The following BNC2 variants were observed in gnomAD, a reference collection of about 807,000 sequenced individuals.
The protein encoded by BNC2 is zinc finger protein basonuclin-2.
In BNC2, 20 loss-of-function variants were observed where a neutral mutation model predicts 76.3. The ratio of observed to expected loss-of-function variants is 0.26; its 90% CI spans 0.18 to 0.38. The LOEUF is 0.38. BNC2 is among the 10% of genes least tolerant of loss of function. The pLI is 1.00. For synonymous variants in BNC2, 582 were observed against 514.8 expected, an observed-to-expected ratio of 1.13 and a Z score of -1.77; for missense variants, 1,382 against 1,399.8, an observed-to-expected ratio of 0.99 and a Z score of 0.20.
chr9:16,769,676 A>C (rs1277045405), intron 1 of BNC2, among the ~76,000 whole-genome samples: 1 of 152,218 alleles, frequency 6.6e-6, no homozygotes, highest in African/African-American at 2.4e-5. Context: ...CATCTACAAA[A>C]TGAGGTAAGT....
At chr9:16,860,959 T>C (rs974605920) in intron 1 of BNC2, among the ~76,000 whole-genome samples, 1 of 151,124 alleles carries the variant, frequency 6.6e-6, no homozygotes, top group Non-Finnish European at 1.5e-5. Flanking sequence ...GGCAGGACAA[T>C]GGCTTAAACC....
At chr9:16,632,021 G>A (rs1821176449) in intron 3 of BNC2, among the ~76,000 whole-genome samples, 1 of 152,144 alleles carries the variant, frequency 6.6e-6, no homozygotes, top group Admixed American at 6.6e-5. Context: ...GAAATGACAA[G>A]AATGGCAGAC....
At chr9:16,567,678 G>C (rs895258913) in intron 4 of BNC2, among the ~76,000 whole-genome samples, 2 of 152,090 alleles carry the variant, frequency 1.3e-5, no homozygotes, top group African/African-American at 4.8e-5. Flanking sequence ...CTCAGTGATA[G>C]TTTATAGTTC....
At chr9:16,640,380 C>T (rs1821458066) in intron 3 of BNC2, among the ~76,000 whole-genome samples, 1 of 152,134 alleles carries the variant, frequency 6.6e-6, no homozygotes, top group Admixed American at 6.5e-5. Context: ...CATGAGAGTT[C>T]AGCTAATTTT....
chr9:16,580,686 A>G (rs958537495), intron 4 of BNC2, among the ~76,000 whole-genome samples: 11 of 152,336 alleles, frequency 7.2e-5, no homozygotes, highest in Non-Finnish European at 1.3e-4. Flanking sequence ...CAAGGCTACC[A>G]TAGTAGATAG....
intron 1 of BNC2, among the ~76,000 whole-genome samples, chr9:16,798,052 G>A (rs1817699039): frequency 6.6e-6 from 1 of 152,090 alleles, no homozygotes; most frequent in Non-Finnish European, 1.5e-5. Context: ...TTCTTTCTTT[G>A]GTCTCTAGGA....
At chr9:16,501,774 A>G (rs901646488) in intron 5 of BNC2, among the ~76,000 whole-genome samples, 2 of 152,184 alleles carry the variant, frequency 1.3e-5, no homozygotes, top group Admixed American at 1.3e-4. Context: ...GTTTTAAAAA[A>G]GCGAATGTAA....
chr9:16,725,016 TAGAA>T (rs1824268443), intron 3 of BNC2, among the ~76,000 whole-genome samples: 1 of 152,096 alleles, frequency 6.6e-6, no homozygotes, highest in South Asian at 2.1e-4. Context: ...AAATTTTACT[TAGAA>T]ATAAAATAAT....
intron 1 of BNC2, among the ~76,000 whole-genome samples, chr9:16,773,434 G>A (rs566117952): frequency 1.9e-4 from 28 of 150,900 alleles, no homozygotes; most frequent in East Asian, 3.9e-4. Flanking sequence ...TCTTTTCAGC[G>A]TCACAAGGTT....
intron 3 of BNC2, among the ~76,000 whole-genome samples, chr9:16,720,986 C>T (rs573728779): frequency 1.3e-5 from 2 of 152,208 alleles, no homozygotes; most frequent in African/African-American, 4.8e-5. Flanking sequence ...AGGCTTCCTA[C>T]AGGGAACGCA....
intron 1 of BNC2, among the ~76,000 whole-genome samples, chr9:16,822,700 T>A (rs1292965726): frequency 6.6e-6 from 1 of 152,194 alleles, no homozygotes; most frequent in Non-Finnish European, 1.5e-5. Flanking sequence ...CAGATTTTTT[T>A]AAAAGCTGTG....
intron 1 of BNC2, among the ~76,000 whole-genome samples, chr9:16,804,064 T>C (rs1315116663): frequency 4.6e-5 from 7 of 152,264 alleles, no homozygotes; most frequent in African/African-American, 1.7e-4. Context: ...TTCAGGCTTC[T>C]GCCTGCTCCA....
chr9:16,506,346 T>C (rs1454277877), intron 5 of BNC2, among the ~76,000 whole-genome samples: 2 of 152,072 alleles, frequency 1.3e-5, no homozygotes, highest in East Asian at 1.9e-4. Context: ...GTCCTGGATA[T>C]AACTAGCTTC....
intron 2 of BNC2, among the ~76,000 whole-genome samples, chr9:16,730,831 C>G (rs561223801): frequency 6.6e-6 from 1 of 152,258 alleles, no homozygotes; most frequent in African/African-American, 2.4e-5. Context: ...AATGGATTTG[C>G]TCAAACAAAA....
chr9:16,755,768 C>T (rs940861489), intron 1 of BNC2, among the ~76,000 whole-genome samples: 42 of 152,288 alleles, frequency 2.8e-4, no homozygotes, highest in African/African-American at 7.2e-4. Context: ...CCTCCTCCAG[C>T]GCTGCCTACC....
chr9:16,456,732 G>T (rs1195405647), intron 5 of BNC2, among the ~76,000 whole-genome samples: 1 of 152,030 alleles, frequency 6.6e-6, no homozygotes, highest in African/African-American at 2.4e-5. Flanking sequence ...AATGGAGATA[G>T]ACATGAAAAA....
chr9:16,625,443 T>C (rs148093744), intron 3 of BNC2, among the ~76,000 whole-genome samples: 2 of 152,226 alleles, frequency 1.3e-5, no homozygotes, highest in East Asian at 3.9e-4. Flanking sequence ...TCTTCTAACA[T>C]AAACCTCAGC....
chr9:16,665,433 G>GA (rs1301740742), intron 3 of BNC2, among the ~76,000 whole-genome samples: 2 of 80,872 alleles, frequency 2.5e-5, no homozygotes, highest in African/African-American at 4.6e-5. Flanking sequence ...AGAAAGGAAA[G>GA]AAAAGAAAGA....
chr9:16,808,479 C>CTTTT (rs768028981), intron 1 of BNC2, among the ~76,000 whole-genome samples: 2,802 of 78,732 alleles, frequency 0.036, 589 homozygotes, highest in Non-Finnish European at 0.049. Context: ...TCTTGGGCAA[C>CTTTT]TTTTTTTTTT....
Sources: gnomAD v4.1 joint callset for allele counts (sites outside exome capture counted in the v4.1 genomes callset) on GRCh38, gnomAD v4.1.1 for gene constraint, MANE v1.5 for transcripts, NCBI Gene and HGNC (gene_info 2026-07-23, HGNC 2026-07-21) for gene names.